Variants in SUN2 observed in about 807,000 individuals in gnomAD.
SUN2 encodes Sad1 and UNC84 domain containing 2.
In SUN2, 60 loss-of-function variants were observed where a neutral mutation model predicts 100.0. The ratio of observed to expected loss-of-function variants is 0.60; its 90% CI spans 0.49 to 0.74. The LOEUF (loss-of-function observed/expected upper bound fraction) is 0.74. SUN2 is among the 30% of genes least tolerant of loss of function. The probability of loss-of-function intolerance (pLI) is 0.00; values close to 1 mark genes in which losing one functional copy is unlikely to be tolerated. For synonymous variants in SUN2, 367 were observed against 403.3 expected (o/e 0.91, Z 1.08); for missense variants, 834 against 954.6 (o/e 0.87, Z 1.66).
At chr22:38,751,711 G>A (rs138717) in intron 2 of SUN2, among the ~76,000 whole-genome samples, 14 of 152,342 alleles carry the variant, frequency 9.2e-5, no homozygotes, top group Admixed American at 1.3e-4. Flanking sequence ...CCTGTGAGCC[G>A]GGCAGGACGA....
rs933764195 is a variant in SUN2, at chr22:38,755,956, C to T, written c.-231G>A. 4 of 983,090 alleles carry T rather than the reference C, an allele frequency of 4.1e-6. No individual in the cohort carries two copies. The African/African-American group carries it at 5.3e-5, about 13-fold the overall frequency. The allele number at this position is 983,090 out of a possible 1,614,324, so 60.9% of individuals were successfully genotyped here. A position where few individuals can be genotyped will look rare whatever the true frequency, so the allele number is the denominator to read the frequency against. ...GCGGGCGGGCGGACAATGCGGCCGG[C>T]GGAGGCCCGCGCTGCGCGAGTGGGG... On this transcript the variant is annotated 5_prime_UTR_variant, in exon 1 of 18. Transcript: ENST00000689035. This position sits in a 1 kb window ranked among gnomAD's most constrained non-coding sequence, Gnocchi z 5.7.
rs1341423050 is a variant in SUN2 at position 38,750,310 on chromosome 22, A to G, written c.435T>C (p.Asp145=). Residue 145 remains aspartate, a synonymous_variant, in exon 5 of 18, where the codon GAT becomes GAC. Coordinates refer to ENST00000689035, the MANE Select transcript of SUN2 (RefSeq NM_015374.3). ...GCGAGCTGGAACTCTGCTGGTCCACATCCGAGTAGCCTGCGGGGAACGAGG... is the reference window on the plus strand; with the variant it reads ...GCGAGCTGGAACTCTGCTGGTCCACGTCCGAGTAGCCTGCGGGGAACGAGG... ...SSEDDYVGYS[D]VDQQSSSSRL... is the part of the protein sequence containing the mutation. 1.2e-6 allele frequency: 2 copies of G among 1,614,000 alleles called. No homozygotes were observed. The highest frequency in any genetic ancestry group is 4.5e-5 in the East Asian group (2 of 44,874).
At chr22:38,747,089 C>T (rs1007804767) in intron 7 of SUN2, among the ~76,000 whole-genome samples, 13 of 148,128 alleles carry the variant, frequency 8.8e-5, no homozygotes, top group Non-Finnish European at 1.6e-4. Context: ...GCCAGCACTT[C>T]GGGAGGCCGA....
At chr22:38,753,193 T>TAGACCCCACC (rs1207359750) in intron 1 of SUN2, among the ~76,000 whole-genome samples, 2 of 149,800 alleles carry the variant, frequency 1.3e-5, no homozygotes, top group African/African-American at 4.9e-5. Flanking sequence ...CTTTCCCATG[T>TAGACCCCACC]AGACCCCACC....
At chr22:38,751,589 C>T (rs372331168) in intron 2 of SUN2, 17 of 573,956 alleles carry the variant, frequency 3.0e-5, no homozygotes, top group African/African-American at 1.9e-4. Flanking sequence ...AGACGGGCAG[C>T]GGCAGCTAGG....
At chr22:38,752,707 C>A in intron 1 of SUN2, 42 bp from the exon 2 acceptor site, 1 of 1,559,668 alleles carries the variant, frequency 6.4e-7, no homozygotes. Flanking sequence ...AGGCCTGGGG[C>A]TGTCCCCAGC....
In SUN2 at chr22:38,740,532, G is replaced by A; in HGVS notation, c.1191-100C>T. 7.6e-7 allele frequency: 1 copy of A among 1,307,770 alleles called. No homozygotes were observed. Among genetic ancestry groups the A allele is most frequent in the Non-Finnish European group, 1.0e-6 (1 of 987,642 alleles). The allele number at this position is 1,307,770 out of a possible 1,614,324, so 81.0% of individuals were successfully genotyped here. ...ACCCCCTAGTGGGCTCCCGTCAGGAGAGCGGGTGCCCAGCACTCATTGTGA... is the reference window on the plus strand; with the variant it reads ...ACCCCCTAGTGGGCTCCCGTCAGGAAAGCGGGTGCCCAGCACTCATTGTGA... On this transcript the variant is annotated intron_variant, in intron 11 of 17. Transcript: ENST00000689035. This position sits in a 1 kb window ranked among gnomAD's most constrained non-coding sequence, Gnocchi z 4.8.
At chr22:38,753,296 AC>A (rs1466539401) in intron 1 of SUN2, among the ~76,000 whole-genome samples, 1 of 144,308 alleles carries the variant, frequency 6.9e-6, no homozygotes, top group Admixed American at 7.1e-5. Flanking sequence ...GCTCACTGCA[AC>A]CTCTACCTCC....
chr22:38,746,572 C>A (rs1037340516), intron 7 of SUN2, among the ~76,000 whole-genome samples: 4 of 152,214 alleles, frequency 2.6e-5, no homozygotes, highest in Non-Finnish European at 5.9e-5. Flanking sequence ...GGCCTTCATG[C>A]ACACACTCCC....
At chr22:38,754,765 A>G in intron 1 of SUN2, 1 of 1,286,664 alleles carries the variant, frequency 7.8e-7, no homozygotes, top group Non-Finnish European at 1.0e-6. Context: ...TGCCGCTGGG[A>G]AGAACTAAAT....
Position 38,752,745 on chromosome 22 carries a change from C to A in SUN2, c.-37-80G>T. The A allele has an allele frequency of 4.8e-6, 7 of 1,455,690 alleles. No homozygotes were observed. In the South Asian group the frequency reaches 7.6e-5, roughly 16 times the overall value. 90.2% of individuals were successfully genotyped at this position (1,455,690 alleles called of 1,614,324 possible). A position where few individuals can be genotyped will look rare whatever the true frequency, so the allele number is the denominator to read the frequency against. On this transcript the variant is annotated intron_variant, in intron 1 of 17. Coordinates refer to ENST00000689035, the MANE Select transcript of SUN2 (RefSeq NM_015374.3). ...CTCTCTAGAGGAGGTGGGACAGAGG[C>A]ATCGCCTCACAGCCGAGAACAGACC...
At position 38,739,898 on chromosome 22, in the gene SUN2, C is replaced by A. The variant is rs765349723; in HGVS notation, c.1402G>T (p.Gly468Cys). ...PAWISQFLARGGGGRVGLLQR... is the reference protein window; with the variant it reads ...PAWISQFLARCGGGRVGLLQR... ...AGGAGCCCCACGCGGCCCCCTCCAC[C>A]TCGGGCAAGGAACTGACTGATCCAG... The change falls in exon 13 of 18, where the codon GGT becomes TGT. Residue 468 changes from glycine to cysteine, a missense_variant. Gly to Cys is a radical substitution (Grantham distance 159). Coordinates refer to ENST00000689035, the MANE Select transcript of SUN2 (RefSeq NM_015374.3). The surrounding 1 kb of genome is among the most constrained non-coding windows in gnomAD (Gnocchi z 6.7). The A allele has an allele frequency of 3.1e-6, 5 of 1,612,936 alleles. No homozygotes were observed. The South Asian group carries it at 5.5e-5, about 18-fold the overall frequency.
intron 7 of SUN2, among the ~76,000 whole-genome samples, chr22:38,746,732 A>G (rs1293462643): frequency 6.6e-6 from 1 of 152,244 alleles, no homozygotes; most frequent in Non-Finnish European, 1.5e-5. Flanking sequence ...CTATGCAATT[A>G]TAAAGAATCA....
intron 1 of SUN2, chr22:38,754,658 C>T: frequency 7.8e-7 from 1 of 1,286,602 alleles, no homozygotes; most frequent in Non-Finnish European, 1.0e-6. Flanking sequence ...GCTCCAGCTG[C>T]CCACACAGGG....
In SUN2 at chr22:38,749,792, G is replaced by A; in HGVS notation, c.588C>T (p.Ser196=). The A allele has an allele frequency of 6.2e-7, 1 of 1,614,158 alleles. No individual in the cohort carries two copies. Among genetic ancestry groups the A allele is most frequent in the Non-Finnish European group, 8.5e-7 (1 of 1,180,024 alleles). The change falls in exon 6 of 18, where the codon TCC becomes TCT. Residue 196 remains serine (S), a synonymous_variant. Coordinates refer to ENST00000689035, the MANE Select transcript of SUN2 (RefSeq NM_015374.3). ...TGGTTAAAACGAAGACGTCAAGGAGGGAGGCAGCTGTGGTCAGGCGGTACC... is the reference window on the plus strand; with the variant it reads ...TGGTTAAAACGAAGACGTCAAGGAGAGAGGCAGCTGTGGTCAGGCGGTACC... The part of the protein sequence containing the change: ...TTWYRLTTAA[S]LLDVFVLTRR...
rs544252088 is a variant in SUN2 at position 38,755,717 on chromosome 22, C to G, written c.-38+46G>C. 77 of 984,964 alleles carry G rather than the reference C, an allele frequency of 7.8e-5. No homozygotes were observed. In the African/African-American group the frequency reaches 1.2e-3, roughly 16 times the overall value. The allele number at this position is 984,964 out of a possible 1,614,324, so 61.0% of individuals were successfully genotyped here. A position where few individuals can be genotyped will look rare whatever the true frequency, so the allele number is the denominator to read the frequency against. On this transcript the variant is annotated intron_variant, in intron 1 of 17. Transcript: ENST00000689035. This position sits in a 1 kb window ranked among gnomAD's most constrained non-coding sequence, Gnocchi z 5.7. Reference sequence around the variant, plus strand: ...GGCCCGACGGTGACCCGGGGTCAGGCCGGGCCGCGGCCCCCCAACCCTCTC... The same window carrying G: ...GGCCCGACGGTGACCCGGGGTCAGGGCGGGCCGCGGCCCCCCAACCCTCTC...
At chr22:38,751,426 A>G in intron 2 of SUN2, 53 bp from the exon 3 acceptor site, 1 of 1,594,924 alleles carries the variant, frequency 6.3e-7, no homozygotes, top group Non-Finnish European at 8.5e-7. Context: ...GAGCCCAGCC[A>G]GGAGCATGAA....
chr22:38,751,052 C>G lies in SUN2; in HGVS notation c.287-17G>C, dbSNP rs368020995. 2.2e-4 allele frequency: 354 copies of G among 1,611,252 alleles called. No homozygotes were observed. Among genetic ancestry groups the G allele is most frequent in the East Asian group, 7.6e-4 (34 of 44,746 alleles). On this transcript the variant is annotated splice_polypyrimidine_tract_variant and intron_variant, in intron 3 of 17. Coordinates refer to ENST00000689035, the MANE Select transcript of SUN2 (RefSeq NM_015374.3). ...GGTCCTCACCTGTGCAGGGAAGAACCAGGGGCTCTTCTGGGCCTCCAAGAG... is the reference window on the plus strand; with the variant it reads ...GGTCCTCACCTGTGCAGGGAAGAACGAGGGGCTCTTCTGGGCCTCCAAGAG...
intron 2 of SUN2, among the ~76,000 whole-genome samples, chr22:38,752,028 T>C (rs1215431576): frequency 1.3e-5 from 2 of 152,172 alleles, no homozygotes; most frequent in Non-Finnish European, 2.9e-5. Context: ...CAGGCTGGAG[T>C]GCAATGCCAT....
Sources: allele counts gnomAD v4.1 joint callset (sites outside exome capture counted in the v4.1 genomes callset), GRCh38; gene constraint gnomAD v4.1.1; non-coding constraint Gnocchi (gnomAD v3.1); transcripts MANE v1.5; gene names NCBI Gene and HGNC (gene_info 2026-07-23, HGNC 2026-07-21).